The following LRP4 variants were observed in gnomAD, a reference collection of about 807,000 sequenced individuals.
The protein encoded by LRP4 is LDL receptor related protein 4.
A neutral mutation model predicts 220.3 loss-of-function variants in LRP4; 95 were observed. The observed-to-expected ratio is 0.43, with a 90% CI of 0.37 to 0.51. The LOEUF is 0.51. Ranked by LOEUF, LRP4 falls within the 20% of genes least tolerant of loss-of-function variation. The pLI, the probability that LRP4 is intolerant of heterozygous loss-of-function variation, is 0.00. For missense variants in LRP4, 1,925 were observed against 2,567.0 expected (o/e 0.75, Z 5.40); for synonymous variants, 903 against 954.6 (o/e 0.95, Z 1.00).
chr11:46,875,469 C>T lies in LRP4; in HGVS notation c.3912G>A (p.Arg1304=). The T allele has an allele frequency of 6.2e-7, 1 of 1,613,832 alleles. No homozygotes were observed. Among genetic ancestry groups the T allele is most frequent in the South Asian group, 1.1e-5 (1 of 91,048 alleles). The change falls in exon 27 of 38, where the codon CGG becomes CGA. Residue 1304 remains arginine (R), a synonymous_variant. Coordinates refer to ENST00000378623, the MANE Select transcript of LRP4 (RefSeq NM_002334.4). This position sits in a 1 kb window ranked among gnomAD's most constrained non-coding sequence, Gnocchi z 4.5. ...TCTGACTCTCACCTAGTGGCTGTGC[C>T]CGGTCCACAGCCTGCATGTCCATGA... ...PGLMDMQAVD[R]AQPLGFNKCG...
chr11:46,897,799 C>T lies in LRP4; in HGVS notation c.796+759G>A, dbSNP rs552908192. Among the ~76,000 whole-genome samples, 783 of 152,292 alleles carry T rather than the reference C, an allele frequency of 5.1e-3. 6 individuals are homozygous for T. Among genetic ancestry groups the T allele is most frequent in the African/African-American group, 0.018 (734 of 41,556 alleles). On this transcript the variant is annotated intron_variant, in intron 7 of 37. Coordinates refer to ENST00000378623, the MANE Select transcript of LRP4 (RefSeq NM_002334.4). ...TTTCTACACAGACACGGCAACCATCCGATTTCTCAATCTTTTCCCCACCTT... is the reference window on the plus strand; with the variant it reads ...TTTCTACACAGACACGGCAACCATCTGATTTCTCAATCTTTTCCCCACCTT...
Position 46,894,631 on chromosome 11 carries a change from TG to T in LRP4, c.1497del (p.Ser500AlafsTer311). 2 of 1,613,658 alleles carry T rather than the reference TG, an allele frequency of 1.2e-6. No individual in the cohort carries two copies. Among genetic ancestry groups the T allele is most frequent in the Non-Finnish European group, 1.7e-6 (2 of 1,179,796 alleles). On this transcript the variant is annotated frameshift_variant, in exon 12 of 38. Coordinates refer to ENST00000378623, the MANE Select transcript of LRP4 (RefSeq NM_002334.4). LOFTEE classifies it high-confidence loss of function. ...GTAGACACAACCTCCTCCACGTTGC[TG>T]CCGTTGAGGTTGGCACGGAGGATCC... ...LDRILRANLN[G>X]SNVEEVVSTG...
At chr11:46,889,673 G>T in intron 15 of LRP4, 140 bp from the exon 16 acceptor site, 2 of 1,161,160 alleles carry the variant, frequency 1.7e-6, no homozygotes, top group Non-Finnish European at 2.5e-6. Flanking sequence ...TGCCCCTGCT[G>T]CTAGCACAGT....
intron 1 of LRP4, among the ~76,000 whole-genome samples, chr11:46,909,332 C>T (rs987056335): frequency 2.6e-5 from 4 of 151,042 alleles, no homozygotes; most frequent in East Asian, 3.9e-4. Context: ...ATCGGCCGGG[C>T]GCGGTGGCTC....
At chr11:46,905,128 G>T (rs1941739050) in intron 1 of LRP4, among the ~76,000 whole-genome samples, 2 of 152,220 alleles carry the variant, frequency 1.3e-5, no homozygotes, top group African/African-American at 2.4e-5. Context: ...ACAAATGCAG[G>T]GTAGAGGATT....
chr11:46,890,234 G>T lies in LRP4; in HGVS notation c.1915+43C>A. On this transcript the variant is annotated intron_variant, in intron 14 of 37. Coordinates refer to ENST00000378623, the MANE Select transcript of LRP4 (RefSeq NM_002334.4). This position sits in a 1 kb window ranked among gnomAD's most constrained non-coding sequence, Gnocchi z 5.3. ...AGGCTCCTGGGGGGCAGGGACGGGG[G>T]CAGGAGGACAAGAGATGAAGGAGAC... is the stretch of plus-strand genomic sequence containing the variant. 1 of 1,607,410 alleles carries T rather than the reference G, an allele frequency of 6.2e-7. No homozygotes were observed. Among genetic ancestry groups the T allele is most frequent in the Non-Finnish European group, 8.5e-7 (1 of 1,174,050 alleles).
intron 16 of LRP4, among the ~76,000 whole-genome samples, chr11:46,888,013 T>TAA (rs1941335275): frequency 4.9e-4 from 1 of 2,034 alleles, no homozygotes; most frequent in Non-Finnish European, 1.3e-3. Flanking sequence ...AGACCCTGTC[T>TAA]CAAAAAAAAA....
intron 16 of LRP4, among the ~76,000 whole-genome samples, chr11:46,888,653 C>T (rs955490131): frequency 6.7e-6 from 1 of 150,134 alleles, no homozygotes; most frequent in African/African-American, 2.4e-5. Flanking sequence ...AATGTTTTCC[C>T]TAACCACACT....
rs1476938969 is a variant in LRP4, at chr11:46,873,097, C to T, written c.4583+3G>A. 8 of 1,614,222 alleles carry T rather than the reference C, an allele frequency of 5.0e-6. No individual in the cohort carries two copies. Among genetic ancestry groups the T allele is most frequent in the East Asian group, 2.2e-5 (1 of 44,886 alleles). The stretch of plus-strand genomic sequence containing the variant: ...AGGAGGCTGTTTGATGCAAGACTCC[C>T]ACCTGCGGGTATCATAGTCCAGGGT... On this transcript the variant is annotated splice_donor_region_variant and intron_variant, in intron 30 of 37. Transcript: ENST00000378623. The surrounding 1 kb of genome is among the most constrained non-coding windows in gnomAD (Gnocchi z 4.2).
intron 1 of LRP4, among the ~76,000 whole-genome samples, chr11:46,904,340 T>C (rs1261080683): frequency 6.6e-6 from 1 of 151,914 alleles, no homozygotes; most frequent in Non-Finnish European, 1.5e-5. Flanking sequence ...TTCCTTGGCC[T>C]AGCCTAGGGC....
At chr11:46,901,008 C>T (rs960124489) in intron 2 of LRP4, among the ~76,000 whole-genome samples, 2 of 152,098 alleles carry the variant, frequency 1.3e-5, no homozygotes, top group African/African-American at 4.8e-5. Context: ...GTTGGCCAGG[C>T]CAGTCTCGAA....
At chr11:46,889,275 A>T in intron 16 of LRP4, 136 bp downstream of exon 16, 1 of 1,202,478 alleles carries the variant, frequency 8.3e-7, no homozygotes, top group African/African-American at 1.5e-5. Flanking sequence ...TCAGCCTCTT[A>T]AGTTCTTCCT....
At chr11:46,881,955 G>T in intron 19 of LRP4, 52 bp from the exon 20 acceptor site, 1 of 1,565,524 alleles carries the variant, frequency 6.4e-7, no homozygotes, top group Non-Finnish European at 8.8e-7. Flanking sequence ...ATATCCAGCA[G>T]GGACTCAGAG....
At chr11:46,901,927 G>A (rs1290564664) in intron 2 of LRP4, among the ~76,000 whole-genome samples, 6 of 152,000 alleles carry the variant, frequency 3.9e-5, no homozygotes, top group South Asian at 4.1e-4. Flanking sequence ...TAGAGACAGG[G>A]TTTCAGCGTA....
chr11:46,883,837 G>GT, intron 19 of LRP4, 34 bp downstream of exon 19: 1 of 1,495,752 alleles, frequency 6.7e-7, no homozygotes, highest in Non-Finnish European at 9.3e-7. Context: ...TGGGAGGGGT[G>GT]GATGGAGCTC....
chr11:46,881,593 C>T, intron 20 of LRP4, 109 bp downstream of exon 20: 1 of 1,046,646 alleles, frequency 9.6e-7, no homozygotes, highest in Admixed American at 1.7e-5. Flanking sequence ...CCTCCAGATC[C>T]CCTTATCTCC....
chr11:46,896,203 C>T lies in LRP4; in HGVS notation c.1048+7G>A, dbSNP rs148557097. ...ATGGGCCAGGTCCGCCCACTGGGGA[C>T]ACTCACGGCAATTCTGCTGTGGGCT... On this transcript the variant is annotated splice_region_variant and intron_variant, in intron 9 of 37. Transcript: ENST00000378623. 6.2e-7 allele frequency: 1 copy of T among 1,613,712 alleles called. No individual in the cohort carries two copies. Among genetic ancestry groups the T allele is most frequent in the South Asian group, 1.1e-5 (1 of 91,070 alleles).
intron 1 of LRP4, among the ~76,000 whole-genome samples, chr11:46,914,357 T>C (rs555238199): frequency 1.3e-5 from 2 of 152,304 alleles, no homozygotes; most frequent in African/African-American, 2.4e-5. Context: ...GCTTGACATA[T>C]GTGTGTTTGC....
rs1232340981 is a variant in LRP4, at chr11:46,868,103, C to A, written c.4963G>T (p.Val1655Leu). The part of the protein sequence containing the change: ...SRPCSLVPGL[V>L]PPAPRATGMS... ...CCAGTAGCCCTAGGAGCTGGTGGTA[C>A]CAGGCCAGGCACTAGACAAAAAAGA... Residue 1655 changes from valine (V) to leucine (L), a missense_variant, in exon 34 of 38, where the codon GTA becomes TTA. This residue lies in a region of LRP4 where 1,244 missense variants were observed against 1,624.9 expected (regional missense o/e 0.77). Transcript: ENST00000378623. The A allele has an allele frequency of 5.0e-6, 8 of 1,613,946 alleles. No homozygotes were observed. In the Admixed American group the frequency reaches 1.3e-4, roughly 27 times the overall value.
Sources: gnomAD v4.1 joint callset for allele counts (sites outside exome capture counted in the v4.1 genomes callset) on GRCh38, gnomAD v4.1.1 for gene constraint, gnomAD v4.1.1 regional missense constraint, Gnocchi (gnomAD v3.1) non-coding constraint, MANE v1.5 for transcripts, NCBI Gene and HGNC (gene_info 2026-07-23, HGNC 2026-07-21) for gene names.